Variants in DGKB observed in about 807,000 individuals in gnomAD.
DGKB encodes the protein 90 kDa diacylglycerol kinase.
In DGKB, 67 loss-of-function variants were observed where a neutral mutation model predicts 114.3. The ratio of observed to expected loss-of-function variants is 0.59; its 90% CI spans 0.48 to 0.72. The LOEUF (loss-of-function observed/expected upper bound fraction) is 0.72. DGKB is among the 30% of genes least tolerant of loss of function. The probability of loss-of-function intolerance (pLI) is 0.00; values close to 1 mark genes in which losing one functional copy is unlikely to be tolerated. For missense variants in DGKB, 907 were observed against 975.2 expected, an observed-to-expected ratio of 0.93 and a Z score of 0.93; for synonymous variants, 398 against 323.1, an observed-to-expected ratio of 1.23 and a Z score of -2.49.
At chr7:14,495,820 G>A (rs752420289) in intron 20 of DGKB, among the ~76,000 whole-genome samples, 21 of 151,656 alleles carry the variant, frequency 1.4e-4, no homozygotes, top group Non-Finnish European at 2.7e-4. Context: ...AAACAATAAA[G>A]CTTAGTATAA....
chr7:14,216,685 C>T (rs1263463387), intron 23 of DGKB, among the ~76,000 whole-genome samples: 1 of 124,716 alleles, frequency 8.0e-6, no homozygotes, highest in Non-Finnish European at 1.6e-5. Flanking sequence ...GAGATTGAAA[C>T]ATTACACTCC....
chr7:14,288,586 A>G (rs942273931), intron 23 of DGKB, among the ~76,000 whole-genome samples: 4 of 152,048 alleles, frequency 2.6e-5, no homozygotes, highest in African/African-American at 4.8e-5. Context: ...CCTCCCTTGC[A>G]AAGTTTTTCC....
intron 21 of DGKB, among the ~76,000 whole-genome samples, chr7:14,407,557 G>A (rs948601284): frequency 9.2e-5 from 14 of 152,152 alleles, no homozygotes; most frequent in Admixed American, 2.6e-4. Flanking sequence ...GGAGGCAAAA[G>A]CCTAACCACA....
chr7:14,480,050 T>G (rs997891201), intron 20 of DGKB, among the ~76,000 whole-genome samples: 15 of 152,002 alleles, frequency 9.9e-5, no homozygotes, highest in African/African-American at 3.4e-4. Flanking sequence ...GTACAATTTT[T>G]TTTACAGGTG....
chr7:14,355,304 CCAACA>C (rs1242519840), intron 21 of DGKB, among the ~76,000 whole-genome samples: 1 of 152,206 alleles, frequency 6.6e-6, no homozygotes, highest in Non-Finnish European at 1.5e-5. Context: ...GCCAGAACTT[CCAACA>C]CTATGTTGAA....
chr7:14,689,470 C>T (rs924492444), intron 9 of DGKB, among the ~76,000 whole-genome samples: 2 of 152,024 alleles, frequency 1.3e-5, no homozygotes, highest in South Asian at 2.1e-4. Flanking sequence ...CGCGCCCGGC[C>T]GAAACTTCTC....
At chr7:14,172,419 C>A (rs1584236278) in intron 25 of DGKB, among the ~76,000 whole-genome samples, 1 of 151,992 alleles carries the variant, frequency 6.6e-6, no homozygotes, top group East Asian at 1.9e-4. Flanking sequence ...TGGGCCAAAT[C>A]TAAAACAGTG....
At chr7:14,807,924 G>T (rs1251683766) in intron 2 of DGKB, among the ~76,000 whole-genome samples, 1 of 151,838 alleles carries the variant, frequency 6.6e-6, no homozygotes, top group South Asian at 2.1e-4. Flanking sequence ...TTATTTTAAA[G>T]CCAGGAATAG....
chr7:14,928,636 T>C (rs1162009278), intron 1 of DGKB, among the ~76,000 whole-genome samples: 1 of 151,914 alleles, frequency 6.6e-6, no homozygotes, highest in Non-Finnish European at 1.5e-5. Context: ...ACAGTTTCTT[T>C]TTGTGTGTAT....
chr7:14,599,520 C>T (rs1803172113), intron 17 of DGKB, among the ~76,000 whole-genome samples: 1 of 152,196 alleles, frequency 6.6e-6, no homozygotes, highest in South Asian at 2.1e-4. Context: ...CTCATCTTCA[C>T]ATCTATACTC....
At chr7:14,203,236 A>G (rs1291768041) in intron 23 of DGKB, among the ~76,000 whole-genome samples, 1 of 151,350 alleles carries the variant, frequency 6.6e-6, no homozygotes, top group African/African-American at 2.4e-5. Flanking sequence ...TACCTAAGTT[A>G]AAGGACACAC....
chr7:14,729,123 C>CTTTCTTTTTTTTTTTCT (rs1463141725), intron 5 of DGKB, among the ~76,000 whole-genome samples: 2 of 113,420 alleles, frequency 1.8e-5, no homozygotes, highest in African/African-American at 7.3e-5. Flanking sequence ...CATTTTCTTT[C>CTTTCTTTTTTTTTTTCT]TTTTTTTTTT....
intron 20 of DGKB, among the ~76,000 whole-genome samples, chr7:14,538,085 C>CA (rs58405374): frequency 0.066 from 2,932 of 44,718 alleles, 497 homozygotes; most frequent in Non-Finnish European, 0.082. Context: ...ATCTCTGTCT[C>CA]AAAAAAAAAA....
chr7:14,663,083 G>A (rs749682746), intron 13 of DGKB, among the ~76,000 whole-genome samples: 8 of 151,852 alleles, frequency 5.3e-5, no homozygotes, highest in East Asian at 1.9e-4. Flanking sequence ...TTAATAGCTC[G>A]CTTCATATCA....
chr7:14,683,899 G>A (rs1027688474), intron 10 of DGKB, among the ~76,000 whole-genome samples: 2 of 151,978 alleles, frequency 1.3e-5, no homozygotes, highest in Non-Finnish European at 2.9e-5. Context: ...AAAAACTTAT[G>A]AGCAAAATTC....
At chr7:14,852,942 G>T (rs1319423379) in intron 1 of DGKB, among the ~76,000 whole-genome samples, 4 of 152,008 alleles carry the variant, frequency 2.6e-5, no homozygotes, top group African/African-American at 9.7e-5. Context: ...ATTGAATTAG[G>T]AATTCATGTG....
At chr7:14,428,390 T>C (rs879635324) in intron 21 of DGKB, among the ~76,000 whole-genome samples, 2 of 152,136 alleles carry the variant, frequency 1.3e-5, no homozygotes, top group Non-Finnish European at 2.9e-5. Context: ...TGTGTCACTA[T>C]ACATTCTGAG....
chr7:14,667,797 T>C (rs992599016), intron 13 of DGKB, among the ~76,000 whole-genome samples: 2 of 152,248 alleles, frequency 1.3e-5, no homozygotes, highest in East Asian at 1.9e-4. Flanking sequence ...AGTTAATGTG[T>C]ACAACAGTCA....
At chr7:14,217,789 G>C (rs370954197) in intron 23 of DGKB, among the ~76,000 whole-genome samples, 70 of 152,076 alleles carry the variant, frequency 4.6e-4, no homozygotes, top group Non-Finnish European at 6.2e-4. Flanking sequence ...TGAATGTACC[G>C]GTGCTTGATA....
Sources: allele counts gnomAD v4.1 joint callset (sites outside exome capture counted in the v4.1 genomes callset), GRCh38; gene constraint gnomAD v4.1.1; transcripts MANE v1.5; gene names NCBI Gene and HGNC (gene_info 2026-07-23, HGNC 2026-07-21).